Variants in GABARAPL1 observed in about 807,000 individuals in gnomAD.
GABARAPL1 encodes GABA type A receptor associated protein like 1.
GABARAPL1 carries 4 observed loss-of-function variants against 14.5 expected under a neutral mutation model. That is an observed-to-expected ratio of 0.28 (90% CI 0.14 to 0.63). The LOEUF (loss-of-function observed/expected upper bound fraction) is 0.63. Ranked by LOEUF, GABARAPL1 falls within the 30% of genes least tolerant of loss-of-function variation. The pLI, the probability that GABARAPL1 is intolerant of heterozygous loss-of-function variation, is 0.84. For missense variants in GABARAPL1, 82 were observed against 139.2 expected, an observed-to-expected ratio of 0.59 and a Z score of 2.07; for synonymous variants, 47 against 50.6, an observed-to-expected ratio of 0.93 and a Z score of 0.30.
rs1949122799 is a variant in GABARAPL1, at chr12:10,222,049, G to A, written c.*197G>A. The A allele has an allele frequency of 1.9e-5, 11 of 591,522 alleles. No individual in the cohort carries two copies. In the South Asian group the frequency reaches 2.1e-4, roughly 11 times the overall value. 36.6% of individuals were successfully genotyped at this position (591,522 alleles called of 1,614,324 possible). ...ATTTTTTGCTGCTTCCTCGGCCCAG[G>A]GAGAAAGCATGTCAGGACAGAGCTG... is the stretch of plus-strand genomic sequence containing the variant. On this transcript the variant is annotated 3_prime_UTR_variant, in exon 4 of 4. Coordinates refer to ENST00000266458, the MANE Select transcript of GABARAPL1 (RefSeq NM_031412.4).
Position 10,222,216 on chromosome 12 carries a change from T to A in GABARAPL1, c.*364T>A, listed in dbSNP as rs947240819. 4.2e-6 allele frequency: 1 copy of A among 239,758 alleles called. No individual in the cohort carries two copies. Among genetic ancestry groups the A allele is most frequent in the Non-Finnish European group, 8.4e-6 (1 of 119,168 alleles). 14.9% of individuals were successfully genotyped at this position (239,758 alleles called of 1,614,324 possible). ...ATGGCAGTCCAGCAGCAACTCCCTG[T>A]GCTCCCTTCTCTTTGGGCAGAGATT... On this transcript the variant is annotated 3_prime_UTR_variant, in exon 4 of 4. Coordinates refer to ENST00000266458, the MANE Select transcript of GABARAPL1 (RefSeq NM_031412.4).
At chr12:10,215,075 T>C (rs1181321695) in intron 1 of GABARAPL1, among the ~76,000 whole-genome samples, 1 of 152,208 alleles carries the variant, frequency 6.6e-6, no homozygotes, top group African/African-American at 2.4e-5. Context: ...GTCTGTGACC[T>C]TCTTTCTAGT....
intron 2 of GABARAPL1, among the ~76,000 whole-genome samples, chr12:10,218,971 C>T (rs1439037162): frequency 6.6e-6 from 1 of 151,800 alleles, no homozygotes; most frequent in Non-Finnish European, 1.5e-5. Context: ...CTTGGCCTCC[C>T]AAATTGCTGG....
chr12:10,221,541 G>A, intron 3 of GABARAPL1: 2 of 634,576 alleles, frequency 3.2e-6, no homozygotes, highest in Non-Finnish European at 3.9e-6. Context: ...TAAGAGTGAG[G>A]ACTGTGCCCT....
At chr12:10,221,314 C>CT (rs1949119366) in intron 3 of GABARAPL1, 1 of 975,842 alleles carries the variant, frequency 1.0e-6, no homozygotes, top group Admixed American at 6.2e-5. Flanking sequence ...TAGTGAAGGA[C>CT]TTTATTATTA....
chr12:10,221,095 T>C lies in GABARAPL1; in HGVS notation c.288+537T>C, dbSNP rs189221627. The C allele has an allele frequency of 9.7e-4, 956 of 985,340 alleles. 3 individuals carry two copies. Among genetic ancestry groups the C allele is most frequent in the African/African-American group, 3.0e-3 (174 of 57,358 alleles). The allele number at this position is 985,340 out of a possible 1,614,324, so 61.0% of individuals were successfully genotyped here. A position where few individuals can be genotyped will look rare whatever the true frequency, so the allele number is the denominator to read the frequency against. On this transcript the variant is annotated intron_variant, in intron 3 of 3. Coordinates refer to ENST00000266458, the MANE Select transcript of GABARAPL1 (RefSeq NM_031412.4). ...GAAGTTTTGGCTTAAGACAACCACATTGATACTAAACAAGGGGAAACTTTT... is the reference window on the plus strand; with the variant it reads ...GAAGTTTTGGCTTAAGACAACCACACTGATACTAAACAAGGGGAAACTTTT...
intron 1 of GABARAPL1, chr12:10,214,000 G>A (rs1451010414): frequency 8.0e-6 from 3 of 372,866 alleles, no homozygotes; most frequent in Non-Finnish European, 1.7e-5. Context: ...AAAGTATTAG[G>A]TATCTTTCAG....
At chr12:10,220,331 T>C in intron 2 of GABARAPL1, 109 bp from the exon 3 acceptor site, 1 of 1,512,772 alleles carries the variant, frequency 6.6e-7, no homozygotes, top group Non-Finnish European at 9.0e-7. Context: ...AAGCTGGTAC[T>C]GACTCTAAGG....
chr12:10,218,249 G>A lies in GABARAPL1; in HGVS notation c.169+108G>A, dbSNP rs1036194546. The A allele has an allele frequency of 1.5e-4, 117 of 768,608 alleles. 1 individual carries two copies. In the South Asian group the frequency reaches 1.6e-3, roughly 10 times the overall value. 47.6% of individuals were successfully genotyped at this position (768,608 alleles called of 1,614,324 possible). ...GAGAGGCAGTACATACTTGAAGGAA[G>A]TGAGTGGGATGCTCTGGAGTTATCT... is the stretch of plus-strand genomic sequence containing the variant. On this transcript the variant is annotated intron_variant, in intron 2 of 3. Coordinates refer to ENST00000266458, the MANE Select transcript of GABARAPL1 (RefSeq NM_031412.4).
intron 1 of GABARAPL1, among the ~76,000 whole-genome samples, chr12:10,215,992 A>T (rs1949086227): frequency 6.6e-6 from 1 of 151,992 alleles, no homozygotes; most frequent in Non-Finnish European, 1.5e-5. Context: ...TTTATAATTT[A>T]TGAAGCATTT....
chr12:10,213,344 A>G (rs1949068784), intron 1 of GABARAPL1, 125 bp downstream of exon 1: 4 of 711,338 alleles, frequency 5.6e-6, no homozygotes, highest in Non-Finnish European at 1.0e-5. Flanking sequence ...GAATTACTTA[A>G]TCCTGAACGC....
chr12:10,221,937 C>A lies in GABARAPL1; in HGVS notation c.*85C>A. The A allele has an allele frequency of 8.3e-7, 1 of 1,208,070 alleles. No homozygotes were observed. 74.8% of individuals were successfully genotyped at this position (1,208,070 alleles called of 1,614,324 possible). ...TGCGCGACATGGGGAAAGAGGGTGG[C>A]TCCCACCGCAAGGAGACAGAAGGTG... is the stretch of plus-strand genomic sequence containing the variant. On this transcript the variant is annotated 3_prime_UTR_variant, in exon 4 of 4. Coordinates refer to ENST00000266458, the MANE Select transcript of GABARAPL1 (RefSeq NM_031412.4).
intron 1 of GABARAPL1, among the ~76,000 whole-genome samples, chr12:10,216,357 G>A (rs1374032229): frequency 6.6e-6 from 1 of 151,706 alleles, no homozygotes; most frequent in Middle Eastern, 3.2e-3. Context: ...GGCGACACAT[G>A]TGACACTCGA....
At chr12:10,221,653 T>G in intron 3 of GABARAPL1, 134 bp from the exon 4 acceptor site, 1 of 1,068,688 alleles carries the variant, frequency 9.4e-7, no homozygotes, top group Non-Finnish European at 1.4e-6. Context: ...CACTTCTCCC[T>G]ATCCTTTGCT....
chr12:10,215,173 C>T (rs2137585811), intron 1 of GABARAPL1, among the ~76,000 whole-genome samples: 1 of 152,256 alleles, frequency 6.6e-6, no homozygotes, highest in South Asian at 2.1e-4. Flanking sequence ...GCTAGAGTGT[C>T]TTGTTTACAG....
At chr12:10,217,987 A>G (rs1949100052) in intron 1 of GABARAPL1, 76 bp from the exon 2 acceptor site, 1 of 854,734 alleles carries the variant, frequency 1.2e-6, no homozygotes, top group Non-Finnish European at 2.0e-6. Context: ...GTAACTAGGC[A>G]ACTCTAGGGT....
At chr12:10,219,912 G>A (rs1001377800) in intron 2 of GABARAPL1, among the ~76,000 whole-genome samples, 1 of 152,184 alleles carries the variant, frequency 6.6e-6, no homozygotes, top group Non-Finnish European at 1.5e-5. Context: ...GAGTTAATAG[G>A]TTTGAATATC....
chr12:10,218,199 A>T, intron 2 of GABARAPL1, 58 bp downstream of exon 2: 1 of 932,166 alleles, frequency 1.1e-6, no homozygotes, highest in Non-Finnish European at 1.8e-6. Flanking sequence ...CTAGATCCTC[A>T]TTACATGCAT....
In GABARAPL1 at chr12:10,213,095, C is replaced by A; in HGVS notation, c.-35C>A. 1 of 1,371,702 alleles carries A rather than the reference C, an allele frequency of 7.3e-7. No individual in the cohort carries two copies. The highest frequency in any genetic ancestry group is 1.0e-6 in the Non-Finnish European group (1 of 977,214). The allele number at this position is 1,371,702 out of a possible 1,614,324, so 85.0% of individuals were successfully genotyped here. ...AGGGTCAGCGGCGAAGGAGGCAGGC[C>A]CCGCGCGGGGATCTCGGAAGCCCTG... On this transcript the variant is annotated 5_prime_UTR_variant, in exon 1 of 4. Coordinates refer to ENST00000266458, the MANE Select transcript of GABARAPL1 (RefSeq NM_031412.4).
Sources: gnomAD v4.1 joint callset for allele counts (sites outside exome capture counted in the v4.1 genomes callset) on GRCh38, gnomAD v4.1.1 for gene constraint, MANE v1.5 for transcripts, NCBI Gene and HGNC (gene_info 2026-07-23, HGNC 2026-07-21) for gene names.